Variants in PPOX observed in about 807,000 individuals in gnomAD.
PPOX encodes variegate porphyria.
A neutral mutation model predicts 54.1 loss-of-function variants in PPOX; 23 were observed. The ratio of observed to expected loss-of-function variants is 0.43; its 90% confidence interval spans 0.31 to 0.60. PPOX has a LOEUF of 0.60. Among genes scored for constraint, PPOX ranks in the 20% least tolerant of loss-of-function variants. The pLI is 0.13. For synonymous variants in PPOX, 224 were observed against 236.1 expected (o/e 0.95, Z 0.47); for missense variants, 512 against 601.1 (o/e 0.85, Z 1.55).
downstream of PPOX, chr1:161,177,152 G>A: frequency 1.0e-5 from 14 of 1,394,072 alleles, no homozygotes; most frequent in African/African-American, 1.4e-5. Flanking sequence ...ACAGTCAGGG[G>A]TGGCTGGAAG....
At chr1:161,171,683 A>G, downstream of PPOX, 1 of 1,285,508 alleles carries the variant, frequency 7.8e-7, no homozygotes, top group Non-Finnish European at 1.1e-6. Context: ...AGTGAGGGAG[A>G]GGCCCCTACC....
At chr1:161,174,198 G>A (rs1211073671), downstream of PPOX, 36 of 763,234 alleles carry the variant, frequency 4.7e-5, no homozygotes, top group Non-Finnish European at 7.2e-5. Flanking sequence ...ACAAGGTCAG[G>A]AGATTGAGAC....
downstream of PPOX, chr1:161,171,235 C>G: frequency 6.2e-7 from 1 of 1,611,178 alleles, no homozygotes; most frequent in Admixed American, 1.7e-5. Context: ...TCTGGCTGTT[C>G]TATCACCTAT....
chr1:161,166,373 G>A (rs144298849), upstream of PPOX: 1,548 of 1,050,626 alleles, frequency 1.5e-3, 24 homozygotes, highest in African/African-American at 0.024. Context: ...TCCAAGTCCC[G>A]CCAATCCAGA....
rs786204784 is a variant in PPOX at position 161,167,208 on chromosome 1, GC to G, written c.199del (p.Leu67Ter). ...LGPRGIRPAG[A>X]LGARTLLLVS... is the part of the protein sequence containing the mutation. Reference sequence around the variant, plus strand: ...ACCTCGGGGAATTAGGCCAGCGGGAGCCCTAGGGGCCCGGACCTTGCTCCTG... The same window carrying G: ...ACCTCGGGGAATTAGGCCAGCGGGAGCCTAGGGGCCCGGACCTTGCTCCTG... On this transcript the variant is annotated frameshift_variant, in exon 3 of 13. Transcript: ENST00000367999. LOFTEE classifies it high-confidence loss of function. 5 of 1,614,212 alleles carry G rather than the reference GC, an allele frequency of 3.1e-6. No homozygotes were observed. The highest frequency in any genetic ancestry group is 4.2e-6 in the Non-Finnish European group (5 of 1,180,034).
intron 11 of PPOX, 58 bp downstream of exon 11, chr1:161,170,827 G>A: frequency 6.2e-7 from 1 of 1,613,714 alleles, no homozygotes; most frequent in East Asian, 2.2e-5. Flanking sequence ...ACAGAGACTG[G>A]AACATTTGTC....
In PPOX at chr1:161,169,974, T is replaced by A; in HGVS notation, c.937T>A (p.Ser313Thr). 1 of 1,614,162 alleles carries A rather than the reference T, an allele frequency of 6.2e-7. No individual in the cohort carries two copies. The highest frequency in any genetic ancestry group is 8.5e-7 in the Non-Finnish European group (1 of 1,180,032). Residue 313 changes from serine to threonine, a missense_variant, in exon 9 of 13, where the codon TCT (serine) becomes ACT (threonine). By Grantham distance (58) the Ser-to-Thr change is moderately conservative. Coordinates refer to ENST00000367999, the MANE Select transcript of PPOX (RefSeq NM_001122764.3). ...ARALSAITAV[S>T]VAVVNLQYQG... ...TGCCCTGAGTGCCATCACTGCAGTG[T>A]CTGTAGCTGTGGTGAATCTGCAGTA...
At chr1:161,171,375 A>T (rs1661374256), downstream of PPOX, 5 of 936,004 alleles carry the variant, frequency 5.3e-6, no homozygotes, top group Non-Finnish European at 8.0e-6. Context: ...GGACCAGAAG[A>T]GGGAGCTATT....
chr1:161,171,214 G>A lies in PPOX; in HGVS notation c.*38G>A. On this transcript the variant is annotated 3_prime_UTR_variant, in exon 13 of 13. Coordinates refer to ENST00000367999, the MANE Select transcript of PPOX (RefSeq NM_001122764.3). ...ATTCATGAAAATAAAAATTGCTGGA[G>A]CTTGGCTTGGTCTGGCTGTTCTATC... is the stretch of plus-strand genomic sequence containing the variant. The A allele has an allele frequency of 6.8e-6, 11 of 1,612,372 alleles. No homozygotes were observed. Among genetic ancestry groups the A allele is most frequent in the Non-Finnish European group, 9.3e-6 (11 of 1,180,034 alleles).
At chr1:161,170,083 T>G in intron 9 of PPOX, 59 bp downstream of exon 9, 16 of 1,559,872 alleles carry the variant, frequency 1.0e-5, no homozygotes, top group Non-Finnish European at 1.4e-5. Context: ...TCCCAGCATT[T>G]TGGGAGGCCG....
chr1:161,171,437 C>T (rs1320738342), downstream of PPOX: 7 of 620,606 alleles, frequency 1.1e-5, no homozygotes, highest in South Asian at 2.0e-5. Flanking sequence ...CAAACAACTT[C>T]CCGGGAACCA....
chr1:161,176,853 A>C lies in PPOX; in HGVS notation c.377A>C (p.Lys126Thr), dbSNP rs963254543. The change falls in exon 5 of 5, where the codon AAG becomes ACG. Residue 126 changes from lysine to threonine, a missense_variant. By Grantham distance (78) the Lys-to-Thr change is moderately conservative. Coordinates refer to the PPOX transcript ENST00000497522. ...GGAAACATTGTTTTCCCCCAGACCAAGAACCAGTTGAAGTGGCGACAGAGT... is the reference window on the plus strand; with the variant it reads ...GGAAACATTGTTTTCCCCCAGACCACGAACCAGTTGAAGTGGCGACAGAGT... 3.9e-6 allele frequency: 6 copies of C among 1,535,608 alleles called. No homozygotes were observed. The African/African-American group carries it at 8.2e-5, about 21-fold the overall frequency.
Position 161,167,954 on chromosome 1 carries a change from A to G in PPOX, c.339-41A>G, listed in dbSNP as rs763221701. 67 of 1,613,478 alleles carry G rather than the reference A, an allele frequency of 4.2e-5. No individual in the cohort carries two copies. The East Asian group carries it at 1.4e-3, about 33-fold the overall frequency. ...CCCCAGCGCCTGGAGCTGGGGAGGT[A>G]TGTCAGGAGCTTCCCCCTCACTATG... is the stretch of plus-strand genomic sequence containing the variant. On this transcript the variant is annotated intron_variant, in intron 4 of 12. Transcript: ENST00000367999.
chr1:161,174,896 A>G, downstream of PPOX: 2 of 1,342,660 alleles, frequency 1.5e-6, no homozygotes, highest in Non-Finnish European at 2.1e-6. Flanking sequence ...CCTTCTTAAA[A>G]TTATTCTAGG....
chr1:161,169,250 G>T (rs1215223150), intron 7 of PPOX, 67 bp downstream of exon 7: 2 of 1,568,620 alleles, frequency 1.3e-6, no homozygotes, highest in African/African-American at 2.7e-5. Context: ...GGCTTAACTA[G>T]GCCAGGGCCG....
rs1414401643 is a variant in PPOX, at chr1:161,176,236, A to T, written c.373-613A>T. 109 of 796,918 alleles carry T rather than the reference A, an allele frequency of 1.4e-4. 1 individual carries two copies. In the East Asian group the frequency reaches 2.9e-3, roughly 21 times the overall value. 49.4% of individuals were successfully genotyped at this position (796,918 alleles called of 1,614,324 possible). ...GGTGCACAGTCACGCAAGGAAACAG[A>T]ATGTAACCACCAGTAACCCTACCAC... On this transcript the variant is annotated intron_variant, in intron 4 of 4. Coordinates refer to the PPOX transcript ENST00000497522.
downstream of PPOX, among the ~76,000 whole-genome samples, chr1:161,174,630 A>G (rs1198399440): frequency 3.3e-5 from 5 of 152,198 alleles, 1 homozygote; most frequent in Admixed American, 1.3e-4. Flanking sequence ...AACAGATGGT[A>G]TATTAGTTAT....
rs199764684 is a variant in PPOX, at chr1:161,166,863, G to C, written c.16G>C (p.Val6Leu). The stretch of plus-strand genomic sequence containing the variant: ...AGGTTTCCGCATGGGCCGGACCGTG[G>C]TCGTGCTGGGCGGAGGCATCAGCGG... MGRTV[V>L]VLGGGISGLA... is the part of the protein sequence containing the mutation. Residue 6 changes from valine (V) to leucine (L), a missense_variant, in exon 2 of 13, where the codon GTC becomes CTC. Val to Leu is a conservative substitution (Grantham distance 32). Transcript: ENST00000367999. 1.2e-5 allele frequency: 19 copies of C among 1,613,630 alleles called. No individual in the cohort carries two copies. The highest frequency in any genetic ancestry group is 2.7e-5 in the African/African-American group (2 of 74,956).
chr1:161,173,496 C>G (rs898393176), downstream of PPOX: 4 of 1,504,956 alleles, frequency 2.7e-6, no homozygotes, highest in African/African-American at 4.1e-5. Flanking sequence ...GGGCTCAGTG[C>G]AGGACCAGGG....
Sources: allele counts gnomAD v4.1 joint callset (sites outside exome capture counted in the v4.1 genomes callset), GRCh38; gene constraint gnomAD v4.1.1; transcripts MANE v1.5; gene names NCBI Gene and HGNC (gene_info 2026-07-23, HGNC 2026-07-21).